The following ZNF385C variants were observed in gnomAD, a reference collection of about 807,000 sequenced individuals.
The protein encoded by ZNF385C is zinc finger protein 385C.
ZNF385C carries 28 observed loss-of-function variants against 35.4 expected under a neutral mutation model. The observed-to-expected ratio is 0.79, with a 90% CI of 0.59 to 1.08. ZNF385C has a LOEUF of 1.08. Ranked by LOEUF, ZNF385C falls within the 50% of genes least tolerant of loss-of-function variation. The pLI is 0.00. For synonymous variants in ZNF385C, 248 were observed against 248.2 expected (o/e 1.00, Z 0.01); for missense variants, 605 against 595.6 (o/e 1.02, Z -0.16).
intron 8 of ZNF385C, 151 bp from the exon 9 acceptor site, chr17:42,027,284 C>A: frequency 1.4e-6 from 1 of 725,752 alleles, no homozygotes; most frequent in East Asian, 2.6e-5. Context: ...CCCAAACATT[C>A]ATTCCGAAGG....
chr17:42,065,818 A>T (rs1380728450), intron 1 of ZNF385C, among the ~76,000 whole-genome samples: 1 of 151,492 alleles, frequency 6.6e-6, no homozygotes, highest in African/African-American at 2.4e-5. Context: ...ATGAGCCACC[A>T]TGCCCAGCCA....
chr17:42,081,980 C>T (rs1211463447), intron 1 of ZNF385C, among the ~76,000 whole-genome samples: 1 of 152,172 alleles, frequency 6.6e-6, no homozygotes, highest in African/African-American at 2.4e-5. Flanking sequence ...CACACTGAGC[C>T]TGGCCACACT....
intron 1 of ZNF385C, among the ~76,000 whole-genome samples, chr17:42,070,299 G>A (rs1237220121): frequency 2.0e-5 from 3 of 152,150 alleles, no homozygotes; most frequent in East Asian, 1.9e-4. Context: ...AGCCGAGATC[G>A]CGCCACTGCA....
At chr17:42,027,901 C>A in intron 7 of ZNF385C, 149 bp downstream of exon 7, 1 of 1,227,438 alleles carries the variant, frequency 8.1e-7, no homozygotes, top group Non-Finnish European at 1.2e-6. Context: ...TGGCCTTTGC[C>A]CTTAATTGGC....
Position 42,034,332 on chromosome 17 carries a change from C to T in ZNF385C, c.403G>A (p.Asp135Asn). 6.5e-7 allele frequency: 1 copy of T among 1,550,242 alleles called. No homozygotes were observed. The highest frequency in any genetic ancestry group is 8.7e-7 in the Non-Finnish European group (1 of 1,146,844). Reference protein sequence around the residue: ...LSLFPNFSTMDPVQKAVISHT... With the variant: ...LSLFPNFSTMNPVQKAVISHT... ...CTGATGACAGCTTTCTGGACCGGGT[C>T]CATCTGTGAAGGGAGTGGGAGGGCA... The change falls in exon 4 of 9, where the codon GAC becomes AAC. Residue 135 changes from aspartate to asparagine, a missense_variant. Asp to Asn is a conservative substitution (Grantham distance 23). Coordinates refer to ENST00000692273, the MANE Select transcript of ZNF385C (RefSeq NM_001392013.1).
intron 2 of ZNF385C, chr17:42,040,465 G>C (rs2052990544): frequency 8.1e-6 from 10 of 1,232,214 alleles, no homozygotes; most frequent in Non-Finnish European, 9.1e-6. Context: ...GGCCAAGTCC[G>C]GCTCTTCTGC....
At chr17:42,079,484 T>C (rs1376758462) in intron 1 of ZNF385C, among the ~76,000 whole-genome samples, 9 of 146,940 alleles carry the variant, frequency 6.1e-5, no homozygotes, top group South Asian at 2.1e-4. Context: ...AGGCCAGGAG[T>C]TTGAGACTCT....
At chr17:42,044,443 C>G (rs2053105840) in intron 2 of ZNF385C, among the ~76,000 whole-genome samples, 1 of 151,632 alleles carries the variant, frequency 6.6e-6, no homozygotes, top group African/African-American at 2.4e-5. Flanking sequence ...ATGGAGAAAC[C>G]CCATCTCTAC....
chr17:42,038,187 G>A, intron 2 of ZNF385C: 1 of 924,702 alleles, frequency 1.1e-6, no homozygotes, highest in Non-Finnish European at 1.6e-6. Context: ...GAGGGACAGA[G>A]GGGTCTGGGC....
At chr17:42,080,364 G>A (rs1330026825) in intron 1 of ZNF385C, among the ~76,000 whole-genome samples, 1 of 152,196 alleles carries the variant, frequency 6.6e-6, no homozygotes, top group Non-Finnish European at 1.5e-5. Flanking sequence ...ATTAAGATCT[G>A]TAAGTCTCCC....
chr17:42,089,208 C>T (rs1039718821), intron 1 of ZNF385C, among the ~76,000 whole-genome samples: 9 of 152,048 alleles, frequency 5.9e-5, no homozygotes, highest in Admixed American at 5.9e-4. Flanking sequence ...CCCAGCTACT[C>T]AGGAGGCTGA....
chr17:42,059,810 C>T (rs560359949), intron 2 of ZNF385C, among the ~76,000 whole-genome samples: 3 of 152,036 alleles, frequency 2.0e-5, no homozygotes, highest in Non-Finnish European at 4.4e-5. Flanking sequence ...TTGGTAGAGA[C>T]GGGGTTTCAC....
intron 3 of ZNF385C, 57 bp downstream of exon 3, chr17:42,037,680 T>G: frequency 6.9e-7 from 1 of 1,457,802 alleles, no homozygotes; most frequent in Non-Finnish European, 9.1e-7. Context: ...TGAACCCACC[T>G]TCTGTGCCCA....
chr17:42,090,764 C>T (rs1439745051), intron 1 of ZNF385C, among the ~76,000 whole-genome samples: 1 of 152,132 alleles, frequency 6.6e-6, no homozygotes, highest in Non-Finnish European at 1.5e-5. Flanking sequence ...CACCTGTAGT[C>T]CCAGCTACTC....
In ZNF385C at chr17:42,040,974, C is replaced by T. The variant is rs1369781779; in HGVS notation, c.251-3089G>A. 4.9e-6 allele frequency: 6 copies of T among 1,232,286 alleles called. No individual in the cohort carries two copies. The East Asian group carries it at 1.3e-4, about 26-fold the overall frequency. 76.3% of individuals were successfully genotyped at this position (1,232,286 alleles called of 1,614,324 possible). On this transcript the variant is annotated intron_variant, in intron 2 of 8. Coordinates refer to ENST00000692273, the MANE Select transcript of ZNF385C (RefSeq NM_001392013.1). ...ATACGCCGAAAGCCTGCAGGATGTC[C>T]AAGAGCTGGCCAGCAGTGGCCTCGC...
chr17:42,027,707 T>C lies in ZNF385C; in HGVS notation c.1186A>G (p.Lys396Glu). 1 of 1,612,810 alleles carries C rather than the reference T, an allele frequency of 6.2e-7. No individual in the cohort carries two copies. Among genetic ancestry groups the C allele is most frequent in the Non-Finnish European group, 8.5e-7 (1 of 1,179,586 alleles). ...GGGGTCTTCCCGGCCAGGCGGTCTT[T>C]GTGCCTCCTGCTGCTCATGTGCTAA... ...LKQHMSSRRH[K>E]DRLAGKTPKP... is the part of the protein sequence containing the mutation. The change falls in exon 8 of 9, where the codon AAA becomes GAA. Residue 396 changes from lysine (K) to glutamate (E), a missense_variant. Coordinates refer to ENST00000692273, the MANE Select transcript of ZNF385C (RefSeq NM_001392013.1).
intron 1 of ZNF385C, among the ~76,000 whole-genome samples, chr17:42,070,206 G>A (rs1175049070): frequency 1.2e-4 from 18 of 151,034 alleles, no homozygotes; most frequent in Non-Finnish European, 2.9e-5. Flanking sequence ...TTAGCCAGGC[G>A]TGGTGGCAGG....
Position 42,040,258 on chromosome 17 carries a change from C to T in ZNF385C, c.251-2373G>A. On this transcript the variant is annotated intron_variant, in intron 2 of 8. Transcript: ENST00000692273. ...CTTCCGCATGGAGTCCAGGAAGGAT[C>T]CCCGGAGCCACTCCAAGCCCCGGAC... 2.4e-6 allele frequency: 3 copies of T among 1,231,628 alleles called. No homozygotes were observed. The East Asian group carries it at 9.5e-5, about 39-fold the overall frequency. 76.3% of individuals were successfully genotyped at this position (1,231,628 alleles called of 1,614,324 possible). A position where few individuals can be genotyped will look rare whatever the true frequency, so the allele number is the denominator to read the frequency against.
intron 3 of ZNF385C, among the ~76,000 whole-genome samples, 195 bp from the exon 4 acceptor site, chr17:42,034,530 A>G (rs1318701898): frequency 6.6e-6 from 1 of 152,144 alleles, no homozygotes; most frequent in African/African-American, 2.4e-5. Context: ...CTGTAATCCC[A>G]GCACTTTGGG....
Sources: gnomAD v4.1 joint callset for allele counts (sites outside exome capture counted in the v4.1 genomes callset) on GRCh38, gnomAD v4.1.1 for gene constraint, MANE v1.5 for transcripts, NCBI Gene and HGNC (gene_info 2026-07-23, HGNC 2026-07-21) for gene names.